Variants in ACTN1 observed in about 807,000 individuals in gnomAD.
ACTN1 encodes the protein alpha-actinin-1.
Under a neutral mutation model 119.6 loss-of-function variants are expected in ACTN1, and 30 were observed. The observed-to-expected ratio is 0.25, with a 90% confidence interval of 0.19 to 0.34. The LOEUF (loss-of-function observed/expected upper bound fraction) is 0.34, where lower values mean the gene tolerates loss of function less well. ACTN1 is among the 10% of genes least tolerant of loss of function. ACTN1 has a pLI of 1.00. For synonymous variants in ACTN1, 429 were observed against 472.6 expected (o/e 0.91, Z 1.20); for missense variants, 764 against 1,223.4 (o/e 0.62, Z 5.60).
chr14:68,893,694 G>T lies in ACTN1; in HGVS notation c.816C>A (p.Asn272Lys). The T allele has an allele frequency of 6.2e-7, 1 of 1,614,134 alleles. No individual in the cohort carries two copies. Among genetic ancestry groups the T allele is most frequent in the Non-Finnish European group, 8.5e-7 (1 of 1,180,018 alleles). ...TCTCGTAGTCTTCCATAAGCTGCTCGTTCTCCTGGTTGACGGCCAACACCT... is the reference window on the plus strand; with the variant it reads ...TCTCGTAGTCTTCCATAAGCTGCTCTTTCTCCTGGTTGACGGCCAACACCT... ...ICKVLAVNQE[N>K]EQLMEDYEKL... Residue 272 changes from asparagine to lysine, a missense_variant, in exon 9 of 22, where the codon AAC becomes AAA. Physicochemically the swap from Asn to Lys is moderately conservative, Grantham distance 94 (BLOSUM62 0). Around this residue, in one of 4 missense-constraint regions of ACTN1, gnomAD observed 544 missense variants for 912.0 expected, o/e 0.60. Transcript: ENST00000394419.
chr14:68,881,364 G>A (rs886218001), intron 16 of ACTN1, among the ~76,000 whole-genome samples: 2 of 151,992 alleles, frequency 1.3e-5, no homozygotes, highest in South Asian at 2.1e-4. Context: ...CAGGATCCTC[G>A]TAGCCTCGGC....
Position 68,880,734 on chromosome 14 carries a change from G to A in ACTN1, c.2133+76C>T. Reference sequence around the variant, plus strand: ...TCCTCCAACTATGACCTGTTCCCTTGGAGACTTCCCCACCCAGGAGAAAGA... The same window carrying A: ...TCCTCCAACTATGACCTGTTCCCTTAGAGACTTCCCCACCCAGGAGAAAGA... On this transcript the variant is annotated intron_variant, in intron 17 of 21. Coordinates refer to ENST00000394419, the MANE Select transcript of ACTN1 (RefSeq NM_001130004.2). The surrounding 1 kb of genome is among the most constrained non-coding windows in gnomAD (Gnocchi z 4.6). The A allele has an allele frequency of 3.3e-6, 5 of 1,495,136 alleles. No homozygotes were observed. The highest frequency in any genetic ancestry group is 2.2e-4 in the Middle Eastern group (1 of 4,476). The allele number at this position is 1,495,136 out of a possible 1,614,324, so 92.6% of individuals were successfully genotyped here.
In ACTN1 at chr14:68,958,500, A is replaced by C. The variant is rs144455010; in HGVS notation, c.105+20452T>G. On this transcript the variant is annotated intron_variant, in intron 1 of 21. Transcript: ENST00000394419. Reference sequence around the variant, plus strand: ...GTAGTTTCCAAATTTTCCACAATAAATATTACTTTCCTTTTCAATTAAAAA... The same window carrying C: ...GTAGTTTCCAAATTTTCCACAATAACTATTACTTTCCTTTTCAATTAAAAA... Among the ~76,000 whole-genome samples the C allele has an allele frequency of 2.6e-3, 391 of 152,062 alleles. 2 individuals carry two copies. Among genetic ancestry groups the C allele is most frequent in the Middle Eastern group, 0.014 (4 of 294 alleles).
intron 12 of ACTN1, 57 bp from the exon 13 acceptor site, chr14:68,884,940 T>C: frequency 2.1e-6 from 3 of 1,416,610 alleles, no homozygotes; most frequent in Non-Finnish European, 3.0e-6. Flanking sequence ...ATGGCCCATC[T>C]CCCTCTCTCT....
intron 1 of ACTN1, chr14:68,974,206 T>C (rs1031868187): frequency 6.5e-6 from 1 of 152,690 alleles, no homozygotes; most frequent in African/African-American, 2.4e-5. Flanking sequence ...CTTGAGAATC[T>C]GGTCTGTGAC....
intron 1 of ACTN1, among the ~76,000 whole-genome samples, chr14:68,926,703 G>A (rs902958939): frequency 1.3e-5 from 2 of 152,192 alleles, no homozygotes; most frequent in African/African-American, 4.8e-5. Context: ...TCATGTGACA[G>A]TAGGAGCCAC....
In ACTN1 at chr14:68,892,109, TG is replaced by T; in HGVS notation, c.1029del (p.Lys344SerfsTer40). Reference protein sequence around the residue: ...QLEINFNTLQTKLRLSNRPAF... With the variant: ...QLEINFNTLQXKLRLSNRPAF... ...GCAGGCCGGTTGCTGAGCCGCAGCTTGGTCTGCAGCGTGTTGAAGTTGATCT... is the reference window on the plus strand; with the variant it reads ...GCAGGCCGGTTGCTGAGCCGCAGCTTGTCTGCAGCGTGTTGAAGTTGATCT... On this transcript the variant is annotated frameshift_variant, in exon 10 of 22. Transcript: ENST00000394419. LOFTEE classifies it high-confidence loss of function. 6.2e-7 allele frequency: 1 copy of T among 1,613,312 alleles called. No homozygotes were observed. Among genetic ancestry groups the T allele is most frequent in the Non-Finnish European group, 8.5e-7 (1 of 1,179,930 alleles).
intron 14 of ACTN1, among the ~76,000 whole-genome samples, chr14:68,883,832 G>T (rs1446881686): frequency 6.6e-6 from 1 of 152,054 alleles, no homozygotes; most frequent in Non-Finnish European, 1.5e-5. Context: ...ATAATAAAAG[G>T]TACTTTTTGT....
intron 1 of ACTN1, among the ~76,000 whole-genome samples, chr14:68,970,809 A>T (rs181763206): frequency 6.6e-6 from 1 of 152,326 alleles, no homozygotes; most frequent in East Asian, 1.9e-4. Flanking sequence ...ACTGAGGCCT[A>T]TGTCCATCCC....
In ACTN1 at chr14:68,979,287, A is replaced by T. The variant is rs528259074; in HGVS notation, c.-231T>A. 3.1e-3 allele frequency: 1,113 copies of T among 360,046 alleles called. 3 individuals carry two copies. The highest frequency in any genetic ancestry group is 4.6e-3 in the Non-Finnish European group (932 of 201,758). The allele number at this position is 360,046 out of a possible 1,614,324, so 22.3% of individuals were successfully genotyped here. ...TGCCTCTGGGCGGGCGCTTGGACCT[A>T]ATCTCCACGCACACTGAACTAGGCG... On this transcript the variant is annotated 5_prime_UTR_variant, in exon 1 of 22. Transcript: ENST00000394419.
chr14:68,920,835 A>G (rs1345118530), intron 3 of ACTN1, among the ~76,000 whole-genome samples, 171 bp downstream of exon 3: 1 of 152,228 alleles, frequency 6.6e-6, no homozygotes, highest in African/African-American at 2.4e-5. Flanking sequence ...CTAGAAGAAA[A>G]GCGCTGTTGC....
At chr14:68,967,615 G>C (rs1220649943) in intron 1 of ACTN1, among the ~76,000 whole-genome samples, 1 of 152,358 alleles carries the variant, frequency 6.6e-6, no homozygotes, top group African/African-American at 2.4e-5. Flanking sequence ...AGGCAGGCAG[G>C]CTGCCACATA....
intron 1 of ACTN1, among the ~76,000 whole-genome samples, chr14:68,953,319 G>A (rs2036233195): frequency 6.6e-6 from 1 of 151,982 alleles, no homozygotes. Flanking sequence ...CCAGCTAAAG[G>A]CCCAAACCAC....
chr14:68,884,960 A>C, intron 12 of ACTN1, 77 bp from the exon 13 acceptor site: 1 of 1,273,742 alleles, frequency 7.9e-7, no homozygotes. Flanking sequence ...TGAGGCTGTC[A>C]GTGGGGTGGC....
intron 11 of ACTN1, chr14:68,887,998 A>G (rs2032163349): frequency 2.6e-6 from 2 of 758,680 alleles, no homozygotes; most frequent in East Asian, 5.0e-5. Context: ...CCACTTTTGC[A>G]GGAGGTTTAA....
intron 1 of ACTN1, among the ~76,000 whole-genome samples, chr14:68,970,199 C>T (rs1003290482): frequency 6.6e-6 from 1 of 151,928 alleles, no homozygotes; most frequent in Admixed American, 6.6e-5. Flanking sequence ...CTTCCCCCAG[C>T]CGACTGCTCT....
rs761473464 is a variant in ACTN1, at chr14:68,885,558, G to A, written c.1252C>T (p.Arg418Ter). The change falls in exon 12 of 22, where the codon CGA becomes TGA. Residue 418 changes from arginine to a stop codon, truncating the protein, a stop_gained. Coordinates refer to ENST00000394419, the MANE Select transcript of ACTN1 (RefSeq NM_001130004.2). LOFTEE classifies it high-confidence loss of function. This position sits in a 1 kb window ranked among gnomAD's most constrained non-coding sequence, Gnocchi z 5.6. ...GTGGCGGTCTCATAGTCCTTCTGTC[G>A]CAGCATGGCCTCTTTGCCTGGGTTG... is the stretch of plus-strand genomic sequence containing the variant. ...AWTDGKEAML[R>*]QKDYETATLS... The A allele has an allele frequency of 1.2e-6, 2 of 1,613,470 alleles. No individual in the cohort carries two copies. Among genetic ancestry groups the A allele is most frequent in the Non-Finnish European group, 1.7e-6 (2 of 1,179,972 alleles).
chr14:68,907,090 T>C (rs904167796), intron 6 of ACTN1, among the ~76,000 whole-genome samples: 2 of 150,224 alleles, frequency 1.3e-5, no homozygotes, highest in Non-Finnish European at 3.0e-5. Flanking sequence ...CTGGCCAACA[T>C]GGTGAAATCC....
intron 11 of ACTN1, among the ~76,000 whole-genome samples, chr14:68,888,851 T>C (rs1026693964): frequency 6.6e-6 from 1 of 152,182 alleles, no homozygotes; most frequent in African/African-American, 2.4e-5. Flanking sequence ...CCTGAAAGCA[T>C]CTGCCTCCTC....
Sources: gnomAD v4.1 joint callset for allele counts (sites outside exome capture counted in the v4.1 genomes callset) on GRCh38, gnomAD v4.1.1 for gene constraint, gnomAD v4.1.1 regional missense constraint, Gnocchi (gnomAD v3.1) non-coding constraint, MANE v1.5 for transcripts, NCBI Gene and HGNC (gene_info 2026-07-23, HGNC 2026-07-21) for gene names.